The following GADL1 variants were observed in gnomAD, a reference collection of about 807,000 sequenced individuals.
GADL1 encodes the protein acidic amino acid decarboxylase GADL1.
In GADL1, 71 loss-of-function variants were observed where a neutral mutation model predicts 69.5. The ratio of observed to expected loss-of-function variants is 1.02; its 90% CI spans 0.84 to 1.25. GADL1 has a LOEUF of 1.25. Ranked by LOEUF, GADL1 falls within the 50% of genes most tolerant of loss-of-function variation. The pLI is 0.00. For synonymous variants in GADL1, 254 were observed against 214.4 expected (o/e 1.18, Z -1.62); for missense variants, 737 against 631.8 (o/e 1.17, Z -1.79).
intron 1 of GADL1, among the ~76,000 whole-genome samples, chr3:30,865,965 G>A (rs1698396826): frequency 6.6e-6 from 1 of 151,454 alleles, no homozygotes; most frequent in South Asian, 2.1e-4. Context: ...CTTTTGCTTT[G>A]TTCAGAGAGA....
chr3:30,749,848 CA>C (rs1381715787), intron 14 of GADL1, among the ~76,000 whole-genome samples: 1 of 152,096 alleles, frequency 6.6e-6, no homozygotes, highest in African/African-American at 2.4e-5. Context: ...AACATGAAAA[CA>C]ACTATGATAT....
intron 11 of GADL1, among the ~76,000 whole-genome samples, chr3:30,808,911 T>C (rs115078448): frequency 1.3e-4 from 20 of 152,214 alleles, no homozygotes; most frequent in African/African-American, 2.2e-4. Context: ...TTTGCACTTA[T>C]GTTCACCTCA....
At chr3:30,770,180 C>T (rs1025157841) in intron 14 of GADL1, among the ~76,000 whole-genome samples, 8 of 152,310 alleles carry the variant, frequency 5.3e-5, no homozygotes, top group African/African-American at 1.9e-4. Context: ...TCAGGCTCCT[C>T]TCATTTATGC....
intron 11 of GADL1, among the ~76,000 whole-genome samples, chr3:30,812,339 A>G (rs1416825279): frequency 6.6e-6 from 1 of 152,208 alleles, no homozygotes. Context: ...TCATAGATAT[A>G]CCAGAGACTG....
intron 13 of GADL1, among the ~76,000 whole-genome samples, chr3:30,784,028 A>T (rs372681097): frequency 3.3e-5 from 5 of 152,332 alleles, no homozygotes; most frequent in African/African-American, 9.6e-5. Flanking sequence ...TCAAATTGAG[A>T]AAATAGAGGA....
chr3:30,865,684 AC>A (rs1698392115), intron 1 of GADL1, among the ~76,000 whole-genome samples: 1 of 152,002 alleles, frequency 6.6e-6, no homozygotes, highest in African/African-American at 2.4e-5. Flanking sequence ...AGCAAGGCAA[AC>A]CTGGGTTTCT....
At chr3:30,855,339 T>G (rs1348274035) in intron 3 of GADL1, among the ~76,000 whole-genome samples, 1 of 152,082 alleles carries the variant, frequency 6.6e-6, no homozygotes, top group East Asian at 1.9e-4. Context: ...ATTTGAACAC[T>G]ATTTGTCCAA....
chr3:30,785,167 G>T (rs377193420), intron 13 of GADL1, among the ~76,000 whole-genome samples: 9 of 151,756 alleles, frequency 5.9e-5, no homozygotes, highest in African/African-American at 1.9e-4. Context: ...TTGTATACTA[G>T]ATTATCTCAT....
chr3:30,877,187 TAGC>T (rs1265357137), intron 1 of GADL1, among the ~76,000 whole-genome samples: 1 of 151,890 alleles, frequency 6.6e-6, no homozygotes, highest in Non-Finnish European at 1.5e-5. Context: ...ATATAGTAAA[TAGC>T]AGCGCTGATA....
intron 9 of GADL1, among the ~76,000 whole-genome samples, chr3:30,834,828 G>T (rs1697848065): frequency 6.6e-6 from 1 of 152,110 alleles, no homozygotes; most frequent in Admixed American, 6.6e-5. Context: ...GGGACAAAAG[G>T]AAGTTATCCA....
At chr3:30,797,848 AAATGTTTG>A (rs1697076805) in intron 12 of GADL1, 1 of 152,126 alleles carries the variant, frequency 6.6e-6, no homozygotes, top group Admixed American at 6.6e-5. Context: ...TCAAATATTG[AAATGTTTG>A]AATGTTTAAC....
intron 14 of GADL1, among the ~76,000 whole-genome samples, chr3:30,776,982 A>T (rs1332191284): frequency 6.6e-6 from 1 of 152,158 alleles, no homozygotes; most frequent in Non-Finnish European, 1.5e-5. Context: ...AGTATCACAC[A>T]TTGGGGTAGA....
rs545621747 is a variant in GADL1, at chr3:30,742,708, C to A, written c.1393-14293G>T. Reference sequence around the variant, plus strand: ...TACTGAGTTTAAGGGGAAGGTATTTCATGTTTAATATATATAGTTCTAAAT... The same window carrying A: ...TACTGAGTTTAAGGGGAAGGTATTTAATGTTTAATATATATAGTTCTAAAT... On this transcript the variant is annotated intron_variant, in intron 14 of 14. Transcript: ENST00000282538. Among the ~76,000 whole-genome samples, 9 of 151,968 alleles carry A rather than the reference C, an allele frequency of 5.9e-5. No homozygotes were observed. The East Asian group carries it at 1.7e-3, about 29-fold the overall frequency.
intron 14 of GADL1, among the ~76,000 whole-genome samples, chr3:30,759,216 G>A (rs1416493760): frequency 2.0e-5 from 3 of 151,566 alleles, no homozygotes; most frequent in Non-Finnish European, 4.4e-5. Flanking sequence ...GTAGGACTTA[G>A]ACATCTGTCT....
intron 1 of GADL1, among the ~76,000 whole-genome samples, chr3:30,879,646 C>T (rs1370365077): frequency 6.6e-6 from 1 of 151,906 alleles, no homozygotes; most frequent in Non-Finnish European, 1.5e-5. Context: ...AATTTCTGCA[C>T]TCGTCTCTCT....
At chr3:30,766,537 A>G (rs1696283219) in intron 14 of GADL1, among the ~76,000 whole-genome samples, 1 of 148,922 alleles carries the variant, frequency 6.7e-6, no homozygotes, top group Admixed American at 6.8e-5. Flanking sequence ...CTGAAAATCC[A>G]TAACATATCA....
intron 11 of GADL1, among the ~76,000 whole-genome samples, chr3:30,824,915 ATATC>A (rs1043678386): frequency 3.5e-4 from 53 of 152,002 alleles, no homozygotes; most frequent in East Asian, 5.8e-4. Context: ...GCATGTTTTT[ATATC>A]TATCTATCTT....
At chr3:30,886,816 T>G (rs942778846) in intron 1 of GADL1, among the ~76,000 whole-genome samples, 4 of 152,184 alleles carry the variant, frequency 2.6e-5, no homozygotes, top group Non-Finnish European at 5.9e-5. Context: ...CAGCATAAGA[T>G]AGACAGTGGA....
chr3:30,753,459 T>A (rs961718926), intron 14 of GADL1, among the ~76,000 whole-genome samples: 2 of 151,948 alleles, frequency 1.3e-5, no homozygotes, highest in Admixed American at 6.6e-5. Flanking sequence ...TAGGAAAAAA[T>A]TCTCAGGTTT....
Sources: allele counts gnomAD v4.1 joint callset (sites outside exome capture counted in the v4.1 genomes callset), GRCh38; gene constraint gnomAD v4.1.1; transcripts MANE v1.5; gene names NCBI Gene and HGNC (gene_info 2026-07-23, HGNC 2026-07-21).